Variants in PDE7B observed in about 807,000 individuals in gnomAD.
PDE7B encodes phosphodiesterase 7B.
Under a neutral mutation model 56.2 loss-of-function variants are expected in PDE7B, and 29 were observed. The observed-to-expected ratio is 0.52, with a 90% CI of 0.38 to 0.70. The LOEUF (loss-of-function observed/expected upper bound fraction) is 0.70. Ranked by LOEUF, PDE7B falls within the 30% of genes least tolerant of loss-of-function variation. PDE7B has a pLI of 0.00. For synonymous variants in PDE7B, 197 were observed against 196.9 expected (o/e 1.00, Z 0.00); for missense variants, 490 against 565.0 (o/e 0.87, Z 1.35).
intron 2 of PDE7B, among the ~76,000 whole-genome samples, chr6:135,957,974 A>G (rs533790380): frequency 7.2e-5 from 11 of 152,158 alleles, no homozygotes; most frequent in African/African-American, 2.4e-4. Flanking sequence ...GTTCACGCCT[A>G]TAATCCCAGC....
intron 2 of PDE7B, among the ~76,000 whole-genome samples, chr6:135,953,474 A>T (rs1333427824): frequency 6.6e-6 from 1 of 152,154 alleles, no homozygotes; most frequent in Admixed American, 6.6e-5. Flanking sequence ...TCTAAAACTG[A>T]ATAATAAGCA....
At chr6:135,873,086 A>G (rs1775417586) in intron 1 of PDE7B, among the ~76,000 whole-genome samples, 1 of 152,136 alleles carries the variant, frequency 6.6e-6, no homozygotes, top group South Asian at 2.1e-4. Flanking sequence ...CATGTATACG[A>G]TTGCTCCATA....
At chr6:136,044,906 C>A (rs1369325257) in intron 2 of PDE7B, 1 of 150,328 alleles carries the variant, frequency 6.7e-6, no homozygotes, top group Non-Finnish European at 1.5e-5. Flanking sequence ...TCGTTCTCTG[C>A]AAACAGTTTC....
At chr6:136,003,047 T>G (rs2128206290) in intron 2 of PDE7B, among the ~76,000 whole-genome samples, 1 of 151,820 alleles carries the variant, frequency 6.6e-6, no homozygotes, top group South Asian at 2.1e-4. Flanking sequence ...ATTAAGAAAC[T>G]CACTCAAAAC....
intron 2 of PDE7B, among the ~76,000 whole-genome samples, chr6:135,979,129 G>C (rs1562458791): frequency 6.6e-6 from 1 of 151,914 alleles, no homozygotes; most frequent in African/African-American, 2.4e-5. Flanking sequence ...CATCTATTGA[G>C]ATAATCATGT....
chr6:135,857,466 G>A (rs569346466), intron 1 of PDE7B, among the ~76,000 whole-genome samples: 27 of 152,122 alleles, frequency 1.8e-4, no homozygotes, highest in Admixed American at 2.6e-4. Context: ...TTGTTCTGGC[G>A]TGGGGGTGGG....
At chr6:136,129,042 A>G (rs971174282) in intron 3 of PDE7B, among the ~76,000 whole-genome samples, 1 of 151,820 alleles carries the variant, frequency 6.6e-6, no homozygotes, top group African/African-American at 2.4e-5. Flanking sequence ...TGATTCATTA[A>G]CTCTTTCTGA....
intron 3 of PDE7B, among the ~76,000 whole-genome samples, chr6:136,132,006 T>C (rs1009495048): frequency 1.3e-5 from 2 of 152,206 alleles, no homozygotes; most frequent in Non-Finnish European, 2.9e-5. Flanking sequence ...AAATGTCCTC[T>C]TATTGGTTTT....
At chr6:135,947,425 T>A (rs767583383) in intron 1 of PDE7B, 39 bp from the exon 2 acceptor site, 3 of 1,487,412 alleles carry the variant, frequency 2.0e-6, no homozygotes, top group Non-Finnish European at 2.8e-6. Context: ...AATCTTGATA[T>A]GAAATCTTAA....
At chr6:135,860,067 G>A (rs1269778393) in intron 1 of PDE7B, among the ~76,000 whole-genome samples, 1 of 152,006 alleles carries the variant, frequency 6.6e-6, no homozygotes, top group East Asian at 1.9e-4. Flanking sequence ...AAATGTAAAT[G>A]TAAACCTTTA....
At position 135,916,392 on chromosome 6, in the gene PDE7B, C is replaced by CTTTTTTTTTTTTTTTTTT. The variant is rs566408380; in HGVS notation, c.22-31071_22-31054dup. 5.9e-4 allele frequency among the ~76,000 whole-genome samples: 57 copies of CTTTTTTTTTTTTTTTTTT among 96,336 alleles called. 1 individual carries two copies. Among genetic ancestry groups the CTTTTTTTTTTTTTTTTTT allele is most frequent in the East Asian group, 7.6e-4 (2 of 2,620 alleles). 63.2% of individuals were successfully genotyped at this position (96,336 alleles called of 152,430 possible). On this transcript the variant is annotated intron_variant, in intron 1 of 12. Coordinates refer to ENST00000308191, the MANE Select transcript of PDE7B (RefSeq NM_018945.4). ...TTTTTTCTTTTCTTTTCTTTTCTTTCTTTTTTTTTTTTTTTTTTGAGATGG... is the reference window on the plus strand; with the variant it reads ...TTTTTTCTTTTCTTTTCTTTTCTTTCTTTTTTTTTTTTTTTTTTTTTTTTTTTTTTTTTTTTGAGATGG...
At chr6:135,870,091 G>A (rs1201378388) in intron 1 of PDE7B, among the ~76,000 whole-genome samples, 2 of 152,160 alleles carry the variant, frequency 1.3e-5, no homozygotes, top group Admixed American at 1.3e-4. Flanking sequence ...TGTCAGCCTA[G>A]GCTAGGGACG....
At chr6:135,975,025 G>T (rs1311419973) in intron 2 of PDE7B, among the ~76,000 whole-genome samples, 1 of 152,074 alleles carries the variant, frequency 6.6e-6, no homozygotes, top group African/African-American at 2.4e-5. Flanking sequence ...AGACAGTGAT[G>T]GTGCTGAGGC....
chr6:135,912,309 A>T (rs1292516654), intron 1 of PDE7B, among the ~76,000 whole-genome samples: 2 of 152,232 alleles, frequency 1.3e-5, no homozygotes, highest in Non-Finnish European at 2.9e-5. Context: ...AACAATAAAA[A>T]AATACAAATT....
chr6:135,853,434 G>A (rs775740730), intron 1 of PDE7B, among the ~76,000 whole-genome samples: 1 of 152,186 alleles, frequency 6.6e-6, no homozygotes, highest in Non-Finnish European at 1.5e-5. Context: ...TGTTGCAAAC[G>A]CATAACTGCA....
At chr6:136,082,078 A>C (rs1340906869) in intron 2 of PDE7B, among the ~76,000 whole-genome samples, 2 of 152,144 alleles carry the variant, frequency 1.3e-5, no homozygotes, top group Non-Finnish European at 2.9e-5. Context: ...AGAAGCATTT[A>C]TTTACGGCTT....
intron 8 of PDE7B, among the ~76,000 whole-genome samples, chr6:136,173,099 A>G (rs890706727): frequency 3.9e-5 from 6 of 152,202 alleles, no homozygotes; most frequent in African/African-American, 1.2e-4. Context: ...TATAGATTCA[A>G]TGCCATCCCC....
intron 2 of PDE7B, among the ~76,000 whole-genome samples, chr6:136,038,840 C>T (rs943200146): frequency 6.6e-6 from 1 of 152,146 alleles, no homozygotes; most frequent in Non-Finnish European, 1.5e-5. Context: ...GAATTGGATG[C>T]TCTTTAATGG....
At chr6:135,906,825 T>TTGTTTTTGTTTTTTTTTTTTG (rs1562434125) in intron 1 of PDE7B, among the ~76,000 whole-genome samples, 17 of 145,854 alleles carry the variant, frequency 1.2e-4, no homozygotes, top group African/African-American at 4.4e-4. Context: ...TTTTTTTTTT[T>TTGTTTTTGTTTTTTTTTTTTG]TTTTTTTTTT....
Sources: allele counts gnomAD v4.1 joint callset (sites outside exome capture counted in the v4.1 genomes callset), GRCh38; gene constraint gnomAD v4.1.1; transcripts MANE v1.5; gene names NCBI Gene and HGNC (gene_info 2026-07-23, HGNC 2026-07-21).